Variants in DDI1 observed in about 807,000 individuals in gnomAD.
DDI1 encodes the protein protein DDI1 homolog 1.
A neutral mutation model predicts 7.2 loss-of-function variants in DDI1; 6 were observed. The ratio of observed to expected loss-of-function variants is 0.83; its 90% confidence interval spans 0.46 to 1.64. DDI1 has a LOEUF of 1.64. DDI1 is among the 40% of genes most tolerant of loss of function. The pLI is 0.01. For missense variants in DDI1, 502 were observed against 516.6 expected (o/e 0.97, Z 0.27); for synonymous variants, 221 against 201.7 (o/e 1.10, Z -0.81).
chr11:104,037,907 C>T lies in DDI1; in HGVS notation c.1085C>T (p.Pro362Leu). 2 of 1,614,080 alleles carry T rather than the reference C, an allele frequency of 1.2e-6. No individual in the cohort carries two copies. ...ACTGGCACGCAGACTTATTTTCTTC[C>T]TGAGGGAGAGTTGCCCTTATGCTCT... Reference protein sequence around the residue: ...GTTGTQTYFLPEGELPLCSRM... With the variant: ...GTTGTQTYFLLEGELPLCSRM... Residue 362 changes from proline to leucine, a missense_variant, in exon 1 of 1, where the codon CCT becomes CTT. Transcript: ENST00000302259.
chr11:104,037,185 T>G lies in DDI1; in HGVS notation c.363T>G (p.Ala121=), dbSNP rs558127423. Residue 121 remains alanine (A), a synonymous_variant, in exon 1 of 1, where the codon GCT becomes GCG. Coordinates refer to ENST00000302259, the MANE Select transcript of DDI1 (RefSeq NM_001001711.3). ...HPGQQQQRTP[A]AQRSQGLASG... Reference sequence around the variant, plus strand: ...GACAGCAGCAGCAGCGCACACCCGCTGCCCAGCGGTCACAGGGCTTGGCGT... The same window carrying G: ...GACAGCAGCAGCAGCGCACACCCGCGGCCCAGCGGTCACAGGGCTTGGCGT... 7.1e-5 allele frequency: 115 copies of G among 1,613,674 alleles called. No individual in the cohort carries two copies. Among genetic ancestry groups the G allele is most frequent in the Middle Eastern group, 1.6e-4 (1 of 6,062 alleles).
rs550710852 is a variant in DDI1, at chr11:104,038,733, A to G, written c.*720A>G. 6.0e-6 allele frequency: 1 copy of G among 167,222 alleles called. No homozygotes were observed. Among genetic ancestry groups the G allele is most frequent in the African/African-American group, 2.4e-5 (1 of 41,588 alleles). 10.4% of individuals were successfully genotyped at this position (167,222 alleles called of 1,614,324 possible). On this transcript the variant is annotated 3_prime_UTR_variant, in exon 1 of 1. Transcript: ENST00000302259. ...TTCAAAGAAACTCTGGCTATAAAAC[A>G]AAGGCAATAAATTAGATTTTTTAAA...
Position 104,037,810 on chromosome 11 carries a change from C to G in DDI1, c.988C>G (p.Leu330Val). The G allele has an allele frequency of 6.2e-7, 1 of 1,614,164 alleles. No individual in the cohort carries two copies. The highest frequency in any genetic ancestry group is 8.5e-7 in the Non-Finnish European group (1 of 1,180,034). ...TGAGGATCAACCCATGGATATGCTT[C>G]TAGGCCTAGATATGCTCCGGAGACA... ...ILEDQPMDML[L>V]GLDMLRRHQC... The change falls in exon 1 of 1, where the codon CTA (leucine) becomes GTA (valine). Residue 330 changes from leucine (L) to valine (V), a missense_variant. By Grantham distance (32) the Leu-to-Val change is conservative (BLOSUM62 1). Coordinates refer to ENST00000302259, the MANE Select transcript of DDI1 (RefSeq NM_001001711.3).
At position 104,037,061 on chromosome 11, in the gene DDI1, TG is replaced by T. The variant is rs1287787240; in HGVS notation, c.242del (p.Gly81AspfsTer14). Reference sequence around the variant, plus strand: ...GTGGTTTTACTGCAGAAGGACAATGTGGGACCTCGGGCTCCAGGGCGTGCCC... The same window carrying T: ...GTGGTTTTACTGCAGAAGGACAATGTGGACCTCGGGCTCCAGGGCGTGCCC... ...DIVVLLQKDN[V>X]GPRAPGRAPN... On this transcript the variant is annotated frameshift_variant, in exon 1 of 1. Coordinates refer to ENST00000302259, the MANE Select transcript of DDI1 (RefSeq NM_001001711.3). LOFTEE classifies it low-confidence loss of function (END_TRUNC). The T allele has an allele frequency of 1.2e-6, 2 of 1,614,244 alleles. No homozygotes were observed. The highest frequency in any genetic ancestry group is 1.7e-6 in the Non-Finnish European group (2 of 1,180,040).
In DDI1 at chr11:104,037,848, C is replaced by T. The variant is rs149339942; in HGVS notation, c.1026C>T (p.Ile342=). The T allele has an allele frequency of 1.2e-6, 2 of 1,613,996 alleles. No homozygotes were observed. Among genetic ancestry groups the T allele is most frequent in the East Asian group, 2.2e-5 (1 of 44,890 alleles). Residue 342 remains isoleucine, a synonymous_variant, in exon 1 of 1, where the codon ATC becomes ATT. Coordinates refer to ENST00000302259, the MANE Select transcript of DDI1 (RefSeq NM_001001711.3). ...TGCTCCGGAGACATCAATGTTCCAT[C>T]GATTTGAAGAAAAATGTGCTGGTCA... is the stretch of plus-strand genomic sequence containing the variant. ...LDMLRRHQCS[I]DLKKNVLVIG... is the part of the protein sequence containing the mutation.
chr11:104,036,806 C>G lies in DDI1; in HGVS notation c.-17C>G. The G allele has an allele frequency of 6.2e-7, 1 of 1,604,868 alleles. No individual in the cohort carries two copies. The highest frequency in any genetic ancestry group is 8.5e-7 in the Non-Finnish European group (1 of 1,174,306). Reference sequence around the variant, plus strand: ...CGCCCATGCCCTCTGCTAGCCCGGCCCGCCCGGGCCCCCGCCATGCTGATC... The same window carrying G: ...CGCCCATGCCCTCTGCTAGCCCGGCGCGCCCGGGCCCCCGCCATGCTGATC... On this transcript the variant is annotated 5_prime_UTR_variant, in exon 1 of 1. Transcript: ENST00000302259.
rs768649320 is a variant in DDI1, at chr11:104,037,395, C to T, written c.573C>T (p.Ala191=). The T allele has an allele frequency of 6.2e-7, 1 of 1,614,064 alleles. No homozygotes were observed. Among genetic ancestry groups the T allele is most frequent in the Non-Finnish European group, 8.5e-7 (1 of 1,180,034 alleles). Residue 191 remains alanine (A), a synonymous_variant, in exon 1 of 1, where the codon GCC becomes GCT. Coordinates refer to ENST00000302259, the MANE Select transcript of DDI1 (RefSeq NM_001001711.3). ...QVLMEQQREK[A]LREQERLRLY... ...TGATGGAGCAGCAAAGGGAAAAGGC[C>T]TTGAGAGAGCAAGAGAGGCTTCGTC...
chr11:104,038,036 A>T lies in DDI1; in HGVS notation c.*23A>T, dbSNP rs767941543. 1.1e-4 allele frequency: 169 copies of T among 1,585,366 alleles called. No homozygotes were observed. Among genetic ancestry groups the T allele is most frequent in the Non-Finnish European group, 1.4e-4 (163 of 1,162,708 alleles). On this transcript the variant is annotated 3_prime_UTR_variant, in exon 1 of 1. Coordinates refer to ENST00000302259, the MANE Select transcript of DDI1 (RefSeq NM_001001711.3). ...TAAAGCACGTTATAAATATGTTACC[A>T]CCTTGAGGGAGCCTCAGGTCCCCGG...
chr11:104,037,565 G>A lies in DDI1; in HGVS notation c.743G>A (p.Cys248Tyr). The A allele has an allele frequency of 6.2e-7, 1 of 1,614,076 alleles. No homozygotes were observed. Among genetic ancestry groups the A allele is most frequent in the Non-Finnish European group, 8.5e-7 (1 of 1,180,020 alleles). The change falls in exon 1 of 1, where the codon TGC becomes TAC. Residue 248 changes from cysteine (C) to tyrosine (Y), a missense_variant. Transcript: ENST00000302259. ...FGQVTMLYIN[C>Y]KVNGHPLKAF... ...CAAGTGACGATGCTCTACATTAACT[G>A]CAAAGTGAATGGGCATCCTTTGAAG...
chr11:104,038,043 G>C lies in DDI1; in HGVS notation c.*30G>C. 1 of 1,576,138 alleles carries C rather than the reference G, an allele frequency of 6.3e-7. No homozygotes were observed. Among genetic ancestry groups the C allele is most frequent in the Non-Finnish European group, 8.6e-7 (1 of 1,157,710 alleles). Reference sequence around the variant, plus strand: ...CGTTATAAATATGTTACCACCTTGAGGGAGCCTCAGGTCCCCGGCAATTAT... The same window carrying C: ...CGTTATAAATATGTTACCACCTTGACGGAGCCTCAGGTCCCCGGCAATTAT... On this transcript the variant is annotated 3_prime_UTR_variant, in exon 1 of 1. Transcript: ENST00000302259.
Position 104,036,723 on chromosome 11 carries a change from C to A in DDI1, c.-100C>A. On this transcript the variant is annotated 5_prime_UTR_variant, in exon 1 of 1. Coordinates refer to ENST00000302259, the MANE Select transcript of DDI1 (RefSeq NM_001001711.3). ...ATGAGCCCGGACGGTCCCTACCTAC[C>A]AAGTCCTGAGGAGCAGCGGCACCAA... 1.1e-6 allele frequency: 1 copy of A among 910,318 alleles called. No individual in the cohort carries two copies. Among genetic ancestry groups the A allele is most frequent in the Non-Finnish European group, 1.7e-6 (1 of 581,458 alleles). The allele number at this position is 910,318 out of a possible 1,614,324, so 56.4% of individuals were successfully genotyped here. A position where few individuals can be genotyped will look rare whatever the true frequency, so the allele number is the denominator to read the frequency against.
At position 104,037,522 on chromosome 11, in the gene DDI1, GC is replaced by G; in HGVS notation, c.705del (p.Glu236ArgfsTer6). The G allele has an allele frequency of 6.2e-7, 1 of 1,614,044 alleles. No individual in the cohort carries two copies. The highest frequency in any genetic ancestry group is 8.5e-7 in the Non-Finnish European group (1 of 1,180,012). On this transcript the variant is annotated frameshift_variant, in exon 1 of 1. Transcript: ENST00000302259. LOFTEE classifies it high-confidence loss of function. ...AAACATGAATATAGCGATAGAAGAG[GC>G]CCCCGAGAGTTTTGGACAAGTGACG... ...EENMNIAIEE[A>X]PESFGQVTML...
In DDI1 at chr11:104,037,909, G is replaced by A; in HGVS notation, c.1087G>A (p.Glu363Lys). The A allele has an allele frequency of 6.2e-7, 1 of 1,614,156 alleles. No individual in the cohort carries two copies. Residue 363 changes from glutamate to lysine, a missense_variant, in exon 1 of 1, where the codon GAG (glutamate) becomes AAG (lysine). By Grantham distance (56) the Glu-to-Lys change is moderately conservative. Coordinates refer to ENST00000302259, the MANE Select transcript of DDI1 (RefSeq NM_001001711.3). ...TGGCACGCAGACTTATTTTCTTCCT[G>A]AGGGAGAGTTGCCCTTATGCTCTAG... ...TTGTQTYFLP[E>K]GELPLCSRMV... is the part of the protein sequence containing the mutation.
Position 104,037,612 on chromosome 11 carries a change from CA to C in DDI1, c.791del (p.Gln264ArgfsTer2). 6.2e-7 allele frequency: 1 copy of C among 1,614,124 alleles called. No individual in the cohort carries two copies. Among genetic ancestry groups the C allele is most frequent in the Non-Finnish European group, 8.5e-7 (1 of 1,180,034 alleles). On this transcript the variant is annotated frameshift_variant, in exon 1 of 1. Transcript: ENST00000302259. LOFTEE classifies it high-confidence loss of function. ...GAAGGCTTTTGTTGACTCGGGCGCC[CA>C]GATGACCATTATGAGCCAGGCTTGT... ...PLKAFVDSGA[Q>X]MTIMSQACAE...
rs973684155 is a variant in DDI1, at chr11:104,037,109, TCAGTGG to T, written c.290_295del (p.Ser97_Gly98del). The T allele has an allele frequency of 6.2e-7, 1 of 1,614,030 alleles. No individual in the cohort carries two copies. The highest frequency in any genetic ancestry group is 8.5e-7 in the Non-Finnish European group (1 of 1,180,034). ...GCCCCGAACCAGCCTCGTGTAGACT[TCAGTGG>T]CATTGCGGTGCCTGGGACGTCCAGC... On this transcript the variant is annotated inframe_deletion, in exon 1 of 1. Transcript: ENST00000302259.
rs530658285 is a variant in DDI1, at chr11:104,038,726, A to T, written c.*713A>T. ...TCCTGCATTCAAAGAAACTCTGGCT[A>T]TAAAACAAAGGCAATAAATTAGATT... is the stretch of plus-strand genomic sequence containing the variant. On this transcript the variant is annotated 3_prime_UTR_variant, in exon 1 of 1. Coordinates refer to ENST00000302259, the MANE Select transcript of DDI1 (RefSeq NM_001001711.3). 1 of 167,112 alleles carries T rather than the reference A, an allele frequency of 6.0e-6. No homozygotes were observed. Among genetic ancestry groups the T allele is most frequent in the Non-Finnish European group, 1.5e-5 (1 of 68,126 alleles). The allele number at this position is 167,112 out of a possible 1,614,324, so 10.4% of individuals were successfully genotyped here. A position where few individuals can be genotyped will look rare whatever the true frequency, so the allele number is the denominator to read the frequency against.
Position 104,037,151 on chromosome 11 carries a change from AG to A in DDI1, c.330del (p.Gln110HisfsTer36). 1 of 1,613,796 alleles carries A rather than the reference AG, an allele frequency of 6.2e-7. No homozygotes were observed. Among genetic ancestry groups the A allele is most frequent in the African/African-American group, 1.3e-5 (1 of 75,074 alleles). On this transcript the variant is annotated frameshift_variant, in exon 1 of 1. Transcript: ENST00000302259. LOFTEE classifies it low-confidence loss of function (END_TRUNC). ...CCTGGGACGTCCAGCTCCCGTCCAC[AG>A]CACCCTGGACAGCAGCAGCAGCGCA... is the stretch of plus-strand genomic sequence containing the variant. ...AVPGTSSSRP[Q>X]HPGQQQQRTP...
chr11:104,037,894 A>T lies in DDI1; in HGVS notation c.1072A>T (p.Thr358Ser), dbSNP rs1203382952. The change falls in exon 1 of 1, where the codon ACT becomes TCT. Residue 358 changes from threonine to serine, a missense_variant. Thr to Ser is a moderately conservative substitution (Grantham distance 58, BLOSUM62 1). Coordinates refer to ENST00000302259, the MANE Select transcript of DDI1 (RefSeq NM_001001711.3). Reference sequence around the variant, plus strand: ...GGTCATCGGCACCACTGGCACGCAGACTTATTTTCTTCCTGAGGGAGAGTT... The same window carrying T: ...GGTCATCGGCACCACTGGCACGCAGTCTTATTTTCTTCCTGAGGGAGAGTT... ...VLVIGTTGTQTYFLPEGELPL... is the reference protein window; with the variant it reads ...VLVIGTTGTQSYFLPEGELPL... The T allele has an allele frequency of 2.5e-6, 4 of 1,614,052 alleles. No homozygotes were observed. The highest frequency in any genetic ancestry group is 3.4e-6 in the Non-Finnish European group (4 of 1,180,028).
rs755126475 is a variant in DDI1, at chr11:104,037,711, A to G, written c.889A>G (p.Arg297Gly). The G allele has an allele frequency of 9.3e-6, 15 of 1,614,100 alleles. No individual in the cohort carries two copies. Among genetic ancestry groups the G allele is most frequent in the Non-Finnish European group, 1.3e-5 (15 of 1,180,028 alleles). ...GGTTGCTAAAGGAGTGGGCACACAGAGAATTATTGGCCGTGTTCATCTAGC... is the reference window on the plus strand; with the variant it reads ...GGTTGCTAAAGGAGTGGGCACACAGGGAATTATTGGCCGTGTTCATCTAGC... ...AGVAKGVGTQ[R>G]IIGRVHLAQI... The change falls in exon 1 of 1, where the codon AGA becomes GGA. Residue 297 changes from arginine (R) to glycine (G), a missense_variant. Arg to Gly is a moderately radical substitution (Grantham distance 125). Coordinates refer to ENST00000302259, the MANE Select transcript of DDI1 (RefSeq NM_001001711.3).
Sources: gnomAD v4.1 joint callset for allele counts on GRCh38, gnomAD v4.1.1 for gene constraint, MANE v1.5 for transcripts, NCBI Gene and HGNC (gene_info 2026-07-23, HGNC 2026-07-21) for gene names.